The following DNAAF1 variants were observed in gnomAD, a reference collection of about 807,000 sequenced individuals.
DNAAF1 encodes the protein dynein assembly factor 1, axonemal.
DNAAF1 carries 65 observed loss-of-function variants against 71.1 expected under a neutral mutation model. The observed-to-expected ratio is 0.91, with a 90% CI of 0.75 to 1.12. DNAAF1 has a LOEUF of 1.12. DNAAF1 is among the 50% of genes most tolerant of loss of function. The probability of loss-of-function intolerance (pLI) is 0.00; values close to 1 mark genes in which losing one functional copy is unlikely to be tolerated. For missense variants in DNAAF1, 1,178 were observed against 899.8 expected (o/e 1.31, Z -3.96); for synonymous variants, 414 against 354.6 (o/e 1.17, Z -1.88).
intron 7 of DNAAF1, among the ~76,000 whole-genome samples, chr16:84,169,608 A>T (rs937464618): frequency 1.3e-5 from 2 of 151,668 alleles, no homozygotes; most frequent in Non-Finnish European, 2.9e-5. Flanking sequence ...TTTAGTGGAG[A>T]TGGGGTTTCG....
chr16:84,165,124 A>G (rs1471284173), intron 6 of DNAAF1, among the ~76,000 whole-genome samples: 1 of 152,136 alleles, frequency 6.6e-6, no homozygotes, highest in East Asian at 1.9e-4. Context: ...TTTGAATTTC[A>G]AAAGTTCTTT....
At chr16:84,172,484 G>T (rs1296466576) in intron 9 of DNAAF1, 109 bp downstream of exon 9, 1 of 1,531,938 alleles carries the variant, frequency 6.5e-7, no homozygotes, top group African/African-American at 1.4e-5. Context: ...TGGTCCTTGG[G>T]CCGGCAGGCC....
chr16:84,159,295 T>C, intron 5 of DNAAF1: 2 of 1,040,714 alleles, frequency 1.9e-6, no homozygotes, highest in Non-Finnish European at 2.4e-6. Flanking sequence ...AAATGGATCC[T>C]GGCTGGGAAG....
intron 2 of DNAAF1, 107 bp from the exon 3 acceptor site, chr16:84,150,144 G>C (rs548296583): frequency 1.3e-6 from 1 of 778,510 alleles, no homozygotes; most frequent in Admixed American, 1.9e-5. Flanking sequence ...AGGGATATAG[G>C]ATGTTATAGA....
At chr16:84,168,451 T>C (rs2151260247) in intron 7 of DNAAF1, among the ~76,000 whole-genome samples, 1 of 152,304 alleles carries the variant, frequency 6.6e-6, no homozygotes, top group Non-Finnish European at 1.5e-5. Flanking sequence ...TATTTTTATT[T>C]TTATTTTTTA....
At chr16:84,167,214 G>C (rs2088059864) in intron 7 of DNAAF1, among the ~76,000 whole-genome samples, 1 of 152,148 alleles carries the variant, frequency 6.6e-6, no homozygotes. Flanking sequence ...TAAAATAAGG[G>C]ATGCAGATGA....
intron 1 of DNAAF1, among the ~76,000 whole-genome samples, chr16:84,146,948 G>A (rs1388960161): frequency 6.6e-6 from 1 of 152,190 alleles, no homozygotes; most frequent in Non-Finnish European, 1.5e-5. Context: ...GATGAACCTT[G>A]TATGAGGAGC....
intron 7 of DNAAF1, 106 bp from the exon 8 acceptor site, chr16:84,169,753 C>G (rs773144865): frequency 1.1e-5 from 17 of 1,518,496 alleles, no homozygotes; most frequent in Non-Finnish European, 8.2e-6. Context: ...GTGTTCCTGA[C>G]CTTTTCCCTG....
At chr16:84,176,404 C>T (rs879739582) in intron 11 of DNAAF1, 105 bp downstream of exon 11, 167 of 1,540,942 alleles carry the variant, frequency 1.1e-4, no homozygotes, top group Non-Finnish European at 1.4e-4. Context: ...TTTCATGTTG[C>T]TGGAGGGGTC....
intron 9 of DNAAF1, chr16:84,173,115 T>A: frequency 2.2e-5 from 22 of 986,146 alleles, no homozygotes; most frequent in Non-Finnish European, 2.6e-5. Context: ...TTAAACTTCT[T>A]CTAAACTGGT....
intron 9 of DNAAF1, chr16:84,173,488 G>A (rs1485347841): frequency 1.1e-5 from 11 of 984,008 alleles, no homozygotes; most frequent in Non-Finnish European, 1.3e-5. Flanking sequence ...GAGTTAAAGT[G>A]ATCACGGTCA....
intron 8 of DNAAF1, among the ~76,000 whole-genome samples, chr16:84,171,475 A>G (rs938318341): frequency 6.6e-6 from 1 of 152,082 alleles, no homozygotes; most frequent in African/African-American, 2.4e-5. Flanking sequence ...TAAGTAAATA[A>G]AAAGGAAAAG....
intron 1 of DNAAF1, among the ~76,000 whole-genome samples, chr16:84,147,498 A>G (rs1031044186): frequency 1.3e-4 from 19 of 151,806 alleles, no homozygotes; most frequent in Admixed American, 1.1e-3. Flanking sequence ...GTTTCTTTTC[A>G]TGTGATTTTC....
chr16:84,156,806 TTTC>T (rs1241592313), intron 5 of DNAAF1, among the ~76,000 whole-genome samples: 1 of 118,606 alleles, frequency 8.4e-6, no homozygotes, highest in African/African-American at 3.3e-5. Flanking sequence ...ATTTATCATT[TTTC>T]TTTTCTTTTC....
chr16:84,153,629 T>A (rs1171985692), intron 3 of DNAAF1, among the ~76,000 whole-genome samples: 2 of 152,270 alleles, frequency 1.3e-5, no homozygotes, highest in East Asian at 3.9e-4. Flanking sequence ...AATTTTTTAA[T>A]AAAAACTTTT....
At chr16:84,145,731 T>C (rs369495051) in intron 1 of DNAAF1, among the ~76,000 whole-genome samples, 167 bp downstream of exon 1, 2 of 152,276 alleles carry the variant, frequency 1.3e-5, no homozygotes, top group East Asian at 3.9e-4. Flanking sequence ...CATTTCGTAC[T>C]GAGGAGGAAA....
chr16:84,149,347 C>A (rs180713651), intron 2 of DNAAF1, among the ~76,000 whole-genome samples: 1 of 152,168 alleles, frequency 6.6e-6, no homozygotes, highest in Non-Finnish European at 1.5e-5. Flanking sequence ...CAGAGAGGAA[C>A]AGCAGTAGTT....
At chr16:84,170,542 C>G (rs2088275792) in intron 8 of DNAAF1, among the ~76,000 whole-genome samples, 186 bp downstream of exon 8, 1 of 152,172 alleles carries the variant, frequency 6.6e-6, no homozygotes, top group Admixed American at 6.5e-5. Flanking sequence ...GGAACAGGAG[C>G]CACTACTAGA....
At chr16:84,154,390 T>C (rs1249538171) in intron 3 of DNAAF1, among the ~76,000 whole-genome samples, 187 bp from the exon 4 acceptor site, 1 of 152,116 alleles carries the variant, frequency 6.6e-6, no homozygotes, top group Non-Finnish European at 1.5e-5. Context: ...GGTTCTTCTC[T>C]CATGACCTTA....
Sources: allele counts gnomAD v4.1 joint callset (sites outside exome capture counted in the v4.1 genomes callset), GRCh38; gene constraint gnomAD v4.1.1; transcripts MANE v1.5; gene names NCBI Gene and HGNC (gene_info 2026-07-23, HGNC 2026-07-21).